Variants in NELL1 observed in about 807,000 individuals in gnomAD.
NELL1 encodes the protein neural EGFL like 1, also known as protein kinase C-binding protein NELL1.
NELL1 carries 76 observed loss-of-function variants against 107.4 expected under a neutral mutation model. The ratio of observed to expected loss-of-function variants is 0.71; its 90% CI spans 0.59 to 0.86. NELL1 has a LOEUF of 0.86. Ranked by LOEUF, NELL1 falls within the 40% of genes least tolerant of loss-of-function variation. The pLI is 0.00. For missense variants in NELL1, 1,024 were observed against 1,005.5 expected (o/e 1.02, Z -0.25); for synonymous variants, 353 against 341.2 (o/e 1.03, Z -0.38).
intron 14 of NELL1, among the ~76,000 whole-genome samples, chr11:21,288,506 A>T (rs1849179123): frequency 6.6e-6 from 1 of 152,216 alleles, no homozygotes; most frequent in Non-Finnish European, 1.5e-5. Context: ...TGGTCTTACA[A>T]ATTACTCAGT....
At chr11:21,490,397 C>T (rs1003722116) in intron 15 of NELL1, among the ~76,000 whole-genome samples, 6 of 146,178 alleles carry the variant, frequency 4.1e-5, no homozygotes, top group Non-Finnish European at 6.0e-5. Context: ...CAATCCCTAT[C>T]GAAATACCAA....
At chr11:21,344,971 C>T (rs1850654174) in intron 14 of NELL1, among the ~76,000 whole-genome samples, 1 of 152,070 alleles carries the variant, frequency 6.6e-6, no homozygotes. Flanking sequence ...CCAAAGAATG[C>T]ACAATAAACT....
At chr11:21,400,706 T>C (rs1188221411) in intron 15 of NELL1, among the ~76,000 whole-genome samples, 2 of 151,920 alleles carry the variant, frequency 1.3e-5, no homozygotes, top group African/African-American at 4.8e-5. Flanking sequence ...GTCTTGTCTG[T>C]GCCACAAATA....
rs1455143198 is a variant in NELL1 at position 20,687,033 on chromosome 11, C to G, written c.184+8973C>G. Among the ~76,000 whole-genome samples, 7 of 114,760 alleles carry G rather than the reference C, an allele frequency of 6.1e-5. No individual in the cohort carries two copies. The East Asian group carries it at 1.3e-3, about 21-fold the overall frequency. The allele number at this position is 114,760 out of a possible 152,430, so 75.3% of individuals were successfully genotyped here. Reference sequence around the variant, plus strand: ...AAAAACATCTGGTCTGTTTTGGGATCTCTCTCTCTCTCTTTTTTTTTTTTT... The same window carrying G: ...AAAAACATCTGGTCTGTTTTGGGATGTCTCTCTCTCTCTTTTTTTTTTTTT... On this transcript the variant is annotated intron_variant, in intron 2 of 19. Coordinates refer to ENST00000357134, the MANE Select transcript of NELL1 (RefSeq NM_006157.5).
At chr11:20,703,518 A>G (rs1854854828) in intron 2 of NELL1, among the ~76,000 whole-genome samples, 1 of 151,762 alleles carries the variant, frequency 6.6e-6, no homozygotes, top group South Asian at 2.1e-4. Flanking sequence ...TTTTGCTCTG[A>G]TCTTAGTTAT....
At chr11:20,860,455 T>G (rs1460792528) in intron 4 of NELL1, among the ~76,000 whole-genome samples, 1 of 152,198 alleles carries the variant, frequency 6.6e-6, no homozygotes, top group Non-Finnish European at 1.5e-5. Context: ...ACATTCTCGA[T>G]GGCTTCATTA....
intron 14 of NELL1, among the ~76,000 whole-genome samples, chr11:21,274,229 CA>C (rs1048407043): frequency 2.0e-5 from 3 of 151,272 alleles, no homozygotes; most frequent in African/African-American, 4.9e-5. Flanking sequence ...AAATGGAAAA[CA>C]AAAAAAAGCA....
chr11:21,103,927 G>A (rs1012244022), intron 12 of NELL1, among the ~76,000 whole-genome samples: 4 of 152,144 alleles, frequency 2.6e-5, no homozygotes, highest in Admixed American at 2.6e-4. Context: ...CCTCTCTGCT[G>A]GATTGATACA....
chr11:21,097,955 T>A (rs1376065312), intron 12 of NELL1, among the ~76,000 whole-genome samples: 5 of 148,680 alleles, frequency 3.4e-5, no homozygotes, highest in Non-Finnish European at 7.4e-5. Flanking sequence ...AAAACATTTT[T>A]AAAAATCTCC....
At chr11:21,282,767 C>T (rs1849026853) in intron 14 of NELL1, among the ~76,000 whole-genome samples, 1 of 152,048 alleles carries the variant, frequency 6.6e-6, no homozygotes, top group Non-Finnish European at 1.5e-5. Flanking sequence ...GATATTGAAG[C>T]AATGTAAGTG....
intron 14 of NELL1, among the ~76,000 whole-genome samples, chr11:21,276,806 C>T (rs1240197429): frequency 2.0e-5 from 3 of 152,164 alleles, no homozygotes; most frequent in African/African-American, 7.2e-5. Flanking sequence ...GAAAGGATTC[C>T]CTGTTTAATC....
At chr11:21,408,618 G>T (rs1344590391) in intron 15 of NELL1, among the ~76,000 whole-genome samples, 18 of 151,966 alleles carry the variant, frequency 1.2e-4, no homozygotes, top group African/African-American at 4.3e-4. Context: ...TTTGTAGGTT[G>T]CCTGTTCACT....
chr11:20,842,007 G>A lies in NELL1; in HGVS notation c.336-5576G>A, dbSNP rs1393038191. Among the ~76,000 whole-genome samples, 8 of 152,222 alleles carry A rather than the reference G, an allele frequency of 5.3e-5. No individual in the cohort carries two copies. In the South Asian group the frequency reaches 6.2e-4, roughly 12 times the overall value. On this transcript the variant is annotated intron_variant, in intron 3 of 19. Coordinates refer to ENST00000357134, the MANE Select transcript of NELL1 (RefSeq NM_006157.5). ...AGACCCCTGGTCTAAGGTGGGGCAC[G>A]GTATACCTGCCTTGTGTTGTTGGCT... is the stretch of plus-strand genomic sequence containing the variant.
At chr11:21,153,657 A>G (rs1165903201) in intron 13 of NELL1, among the ~76,000 whole-genome samples, 1 of 152,172 alleles carries the variant, frequency 6.6e-6, no homozygotes, top group Admixed American at 6.6e-5. Flanking sequence ...CACACTTACT[A>G]TCACTCTTGG....
At chr11:21,370,248 A>G (rs1851327461) in intron 14 of NELL1, among the ~76,000 whole-genome samples, 1 of 151,986 alleles carries the variant, frequency 6.6e-6, no homozygotes, top group Non-Finnish European at 1.5e-5. Context: ...GCATTTCCAC[A>G]CTGAGGCATT....
rs1284738098 is a variant in NELL1, at chr11:21,312,677, T to C, written c.1550-58176T>C. Among the ~76,000 whole-genome samples, 7 of 152,288 alleles carry C rather than the reference T, an allele frequency of 4.6e-5. No homozygotes were observed. The East Asian group carries it at 1.4e-3, about 29-fold the overall frequency. ...AAGTCTGTAGATTAAGTCTCAGCAA[T>C]GCACAAGTACATGTTCTTGCCCAGT... On this transcript the variant is annotated intron_variant, in intron 14 of 19. Coordinates refer to ENST00000357134, the MANE Select transcript of NELL1 (RefSeq NM_006157.5).
chr11:21,392,714 T>C (rs1851905807), intron 15 of NELL1, among the ~76,000 whole-genome samples: 1 of 151,908 alleles, frequency 6.6e-6, no homozygotes, highest in East Asian at 2.0e-4. Flanking sequence ...GATAGTCATA[T>C]GATATAAAAT....
At chr11:20,709,755 C>T (rs572919965) in intron 2 of NELL1, among the ~76,000 whole-genome samples, 4 of 152,198 alleles carry the variant, frequency 2.6e-5, no homozygotes, top group South Asian at 2.1e-4. Context: ...AGATTTTTCA[C>T]GTCCTTGGTT....
At chr11:21,062,015 A>G (rs1177644467) in intron 12 of NELL1, among the ~76,000 whole-genome samples, 1 of 152,166 alleles carries the variant, frequency 6.6e-6, no homozygotes. Context: ...CAGATTGTCT[A>G]CTTGCAACTG....
Sources: gnomAD v4.1 joint callset for allele counts (sites outside exome capture counted in the v4.1 genomes callset) on GRCh38, gnomAD v4.1.1 for gene constraint, MANE v1.5 for transcripts, NCBI Gene and HGNC (gene_info 2026-07-23, HGNC 2026-07-21) for gene names.